The following CD163L1 variants were observed in gnomAD, a reference collection of about 807,000 sequenced individuals.
CD163L1 encodes CD163 molecule like 1, also known as scavenger receptor cysteine-rich type 1 protein M160.
A neutral mutation model predicts 165.4 loss-of-function variants in CD163L1; 124 were observed. The ratio of observed to expected loss-of-function variants is 0.75; its 90% CI spans 0.65 to 0.87. The LOEUF (loss-of-function observed/expected upper bound fraction) is 0.87, where lower values mean the gene tolerates loss of function less well. Ranked by LOEUF, CD163L1 falls within the 40% of genes least tolerant of loss-of-function variation. CD163L1 has a pLI of 0.00. For missense variants in CD163L1, 1,525 were observed against 1,799.9 expected (o/e 0.85, Z 2.76); for synonymous variants, 585 against 662.2 (o/e 0.88, Z 1.79).
chr12:7,373,048 T>C (rs1463561172), intron 14 of CD163L1, among the ~76,000 whole-genome samples: 3 of 152,232 alleles, frequency 2.0e-5, no homozygotes, highest in Non-Finnish European at 4.4e-5. Flanking sequence ...TGTAATTTTT[T>C]ATGTGTTGTT....
chr12:7,373,274 A>G (rs1478692472), intron 14 of CD163L1, 46 bp downstream of exon 14: 1 of 1,497,618 alleles, frequency 6.7e-7, no homozygotes. Flanking sequence ...GGTAAGTTAT[A>G]TTTCACAGGG....
intron 8 of CD163L1, among the ~76,000 whole-genome samples, chr12:7,393,346 G>A (rs774969869): frequency 4.6e-5 from 7 of 152,254 alleles, no homozygotes; most frequent in Middle Eastern, 3.4e-3. Flanking sequence ...AATAGATGCA[G>A]AAAAGGCCTT....
intron 13 of CD163L1, 50 bp from the exon 14 acceptor site, chr12:7,373,690 A>C: frequency 6.8e-7 from 1 of 1,477,900 alleles, no homozygotes; most frequent in Non-Finnish European, 9.1e-7. Flanking sequence ...TGGAGTTGGA[A>C]AATCCCTCCC....
chr12:7,389,960 T>TTATATATATATATATATATATATATA (rs59235889), intron 8 of CD163L1, among the ~76,000 whole-genome samples: 1 of 135,964 alleles, frequency 7.4e-6, no homozygotes, highest in Non-Finnish European at 1.6e-5. Flanking sequence ...ATATATATAT[T>TTATATATATATATATATATATATATA]TATATATATA....
intron 4 of CD163L1, among the ~76,000 whole-genome samples, chr12:7,431,142 G>A (rs1948620485): frequency 6.6e-6 from 1 of 152,100 alleles, no homozygotes; most frequent in Non-Finnish European, 1.5e-5. Context: ...GCATTCTTCA[G>A]CCGGGTGCGG....
chr12:7,368,601 A>T lies in CD163L1; in HGVS notation c.4072+332T>A, dbSNP rs753760546. On this transcript the variant is annotated intron_variant, in intron 16 of 19. Transcript: ENST00000313599. This position sits in a 1 kb window ranked among gnomAD's most constrained non-coding sequence, Gnocchi z 4.3. Reference sequence around the variant, plus strand: ...GAGTGTACTGGCACGATCTCGGCTCACTGCAATCTCTGCTTCCTGGGTTTA... The same window carrying T: ...GAGTGTACTGGCACGATCTCGGCTCTCTGCAATCTCTGCTTCCTGGGTTTA... 6.7e-6 allele frequency among the ~76,000 whole-genome samples: 1 copy of T among 148,600 alleles called. No individual in the cohort carries two copies. Among genetic ancestry groups the T allele is most frequent in the Non-Finnish European group, 1.5e-5 (1 of 67,628 alleles).
In CD163L1 at chr12:7,375,051, T is replaced by C. The variant is rs769652682; in HGVS notation, c.3002-128A>G. On this transcript the variant is annotated intron_variant, in intron 11 of 19. Transcript: ENST00000313599. ...TTTCAAACCCTGTCGTCTATTGAAA[T>C]CATTTTTATTAATGATGTCTACTCG... is the stretch of plus-strand genomic sequence containing the variant. 31 of 932,048 alleles carry C rather than the reference T, an allele frequency of 3.3e-5. No homozygotes were observed. The East Asian group carries it at 7.9e-4, about 24-fold the overall frequency. The allele number at this position is 932,048 out of a possible 1,614,324, so 57.7% of individuals were successfully genotyped here.
In CD163L1 at chr12:7,414,262, GAGAT is replaced by G. The variant is rs1421533037; in HGVS notation, c.767-7414_767-7411del. 4.6e-5 allele frequency among the ~76,000 whole-genome samples: 7 copies of G among 152,190 alleles called. No homozygotes were observed. In the East Asian group the frequency reaches 5.8e-4, roughly 13 times the overall value. On this transcript the variant is annotated intron_variant, in intron 4 of 19. Transcript: ENST00000313599. ...TGAACAAAATGAGAAGTTCAGTAAA[GAGAT>G]AGAAACAATTGAAAACAATGAAACA... is the stretch of plus-strand genomic sequence containing the variant.
At chr12:7,346,029 C>T (rs375063958), downstream of CD163L1, among the ~76,000 whole-genome samples, 14 of 152,256 alleles carry the variant, frequency 9.2e-5, no homozygotes, top group African/African-American at 3.4e-4. Flanking sequence ...TCTCCAACTT[C>T]GGGGCCTACA....
At position 7,369,921 on chromosome 12, in the gene CD163L1, C is replaced by T. The variant is rs1279152590; in HGVS notation, c.3731-256G>A. Among the ~76,000 whole-genome samples the T allele has an allele frequency of 1.3e-5, 2 of 152,204 alleles. No individual in the cohort carries two copies. The highest frequency in any genetic ancestry group is 4.8e-5 in the African/African-American group (2 of 41,440). On this transcript the variant is annotated intron_variant, in intron 14 of 19. Coordinates refer to ENST00000313599, the MANE Select transcript of CD163L1 (RefSeq NM_174941.6). This position sits in a 1 kb window ranked among gnomAD's most constrained non-coding sequence, Gnocchi z 4.9. ...CCAAACCAGATATTCATTTTCTACT[C>T]TAGATGTTTGAAAACAAAACATATT...
Position 7,432,505 on chromosome 12 carries a change from C to T in CD163L1, c.677G>A (p.Gly226Glu), listed in dbSNP as rs2136632160. Residue 226 changes from glycine to glutamate, a missense_variant, in exon 4 of 20, where the codon GGG becomes GAG. By Grantham distance (98) the Gly-to-Glu change is moderately conservative (BLOSUM62 -2). Coordinates refer to ENST00000313599, the MANE Select transcript of CD163L1 (RefSeq NM_174941.6). The surrounding 1 kb of genome is among the most constrained non-coding windows in gnomAD (Gnocchi z 4.2). Reference protein sequence around the residue: ...PIWLDDILCQGNELALWNCRH... With the variant: ...PIWLDDILCQENELALWNCRH... The stretch of plus-strand genomic sequence containing the variant: ...GCAATTCCAGAGTGCCAACTCATTC[C>T]CCTGGCATAAAATGTCATCCAGCCA... 1 of 1,614,070 alleles carries T rather than the reference C, an allele frequency of 6.2e-7. No homozygotes were observed. The highest frequency in any genetic ancestry group is 1.3e-5 in the African/African-American group (1 of 75,022).
rs746225472 is a variant in CD163L1 at position 7,355,289 on chromosome 12, G to A, written c.*25-159C>T. 1.4e-3 allele frequency among the ~76,000 whole-genome samples: 214 copies of A among 152,166 alleles called. 2 individuals carry two copies. Among genetic ancestry groups the A allele is most frequent in the Non-Finnish European group, 8.4e-4 (57 of 67,966 alleles). ...TTAGGACAGATTTAGTAGGTGCTAT[G>A]TATTAATATTTCTTTTTTGTGCATA... On this transcript the variant is annotated intron_variant, in intron 19 of 19. Transcript: ENST00000313599.
chr12:7,441,104 G>A (rs374371716), intron 2 of CD163L1, 50 bp downstream of exon 2: 15 of 1,299,502 alleles, frequency 1.2e-5, no homozygotes, highest in Admixed American at 3.4e-5. Flanking sequence ...GTAGGGGAAA[G>A]GTAGAATAGA....
chr12:7,345,295 A>T (rs150978658), downstream of CD163L1, among the ~76,000 whole-genome samples: 146 of 152,298 alleles, frequency 9.6e-4, 1 homozygote, highest in African/African-American at 3.2e-3. Flanking sequence ...TGAATGCTTC[A>T]CTGCTTAGAA....
chr12:7,425,153 A>G (rs1277885719), intron 4 of CD163L1, among the ~76,000 whole-genome samples: 3 of 152,226 alleles, frequency 2.0e-5, no homozygotes, highest in Non-Finnish European at 1.5e-5. Flanking sequence ...CCAATGGAAT[A>G]GAACAGAGGC....
At chr12:7,439,826 C>T (rs1369254972) in intron 2 of CD163L1, 25 of 1,613,564 alleles carry the variant, frequency 1.5e-5, no homozygotes, top group African/African-American at 1.3e-4. Context: ...ACATCCTCTC[C>T]GTCCTCCTCA....
rs766023823 is a variant in CD163L1, at chr12:7,375,809, G to A, written c.2577C>T (p.Ala859=). The change falls in exon 10 of 20, where the codon GCC becomes GCT. Residue 859 remains alanine (A), a synonymous_variant. Coordinates refer to ENST00000313599, the MANE Select transcript of CD163L1 (RefSeq NM_174941.6). ...CACTCCCTTCACACTGGAACTTTTC[G>A]GCCCAAGTTAGACCATTCCCTTTTC... ...HFGKGNGLTW[A]EKFQCEGSET... 6.2e-6 allele frequency: 10 copies of A among 1,614,020 alleles called. No homozygotes were observed. Among genetic ancestry groups the A allele is most frequent in the African/African-American group, 2.7e-5 (2 of 74,910 alleles).
intron 2 of CD163L1, chr12:7,439,014 C>T: frequency 2.5e-6 from 4 of 1,605,574 alleles, no homozygotes; most frequent in Non-Finnish European, 3.4e-6. Context: ...TTCCTCCTGC[C>T]TCTGACATCG....
At chr12:7,370,200 CCT>C (rs1251319657) in intron 14 of CD163L1, among the ~76,000 whole-genome samples, 4 of 152,162 alleles carry the variant, frequency 2.6e-5, no homozygotes, top group African/African-American at 9.7e-5. Flanking sequence ...GCACTAGTGA[CCT>C]CTCGTCACAT....
Sources: gnomAD v4.1 joint callset for allele counts (sites outside exome capture counted in the v4.1 genomes callset) on GRCh38, gnomAD v4.1.1 for gene constraint, Gnocchi (gnomAD v3.1) non-coding constraint, MANE v1.5 for transcripts, NCBI Gene and HGNC (gene_info 2026-07-23, HGNC 2026-07-21) for gene names.